Variants in RALYL observed in about 807,000 individuals in gnomAD.
RALYL encodes RALY RNA binding protein like.
In RALYL, 29 loss-of-function variants were observed where a neutral mutation model predicts 35.1. The ratio of observed to expected loss-of-function variants is 0.83; its 90% CI spans 0.61 to 1.13. The LOEUF is 1.13. Ranked by LOEUF, RALYL falls within the 50% of genes most tolerant of loss-of-function variation. The probability of loss-of-function intolerance (pLI) is 0.00; values close to 1 mark genes in which losing one functional copy is unlikely to be tolerated. For missense variants in RALYL, 359 were observed against 360.4 expected (o/e 1.00, Z 0.03); for synonymous variants, 120 against 127.6 (o/e 0.94, Z 0.40).
At chr8:84,782,856 A>G (rs1193493630) in intron 3 of RALYL, among the ~76,000 whole-genome samples, 1 of 152,178 alleles carries the variant, frequency 6.6e-6, no homozygotes, top group Non-Finnish European at 1.5e-5. Flanking sequence ...AAGTATCTTC[A>G]TTGTCAGTGT....
At chr8:84,474,242 A>G (rs913076472) in intron 1 of RALYL, among the ~76,000 whole-genome samples, 1 of 152,182 alleles carries the variant, frequency 6.6e-6, no homozygotes, top group Non-Finnish European at 1.5e-5. Flanking sequence ...AAGGTTAAAT[A>G]TGATATGAGT....
At position 84,714,161 on chromosome 8, in the gene RALYL, A is replaced by G. The variant is rs7008111; in HGVS notation, c.257-60418A>G. On this transcript the variant is annotated intron_variant, in intron 2 of 8. Transcript: ENST00000521268. ...GAATAAGCCAGGTACAGAAAGATAA[A>G]TACTGTGTCATCTCACTAATATTTG... Among the ~76,000 whole-genome samples the G allele has an allele frequency of 4.4e-3, 667 of 151,992 alleles. 3 individuals are homozygous for G. Among genetic ancestry groups the G allele is most frequent in the African/African-American group, 0.015 (636 of 41,534 alleles).
At chr8:84,404,471 C>A (rs542868204) in intron 1 of RALYL, among the ~76,000 whole-genome samples, 13 of 152,044 alleles carry the variant, frequency 8.6e-5, no homozygotes, top group Admixed American at 3.3e-4. Context: ...TGATGGATTA[C>A]ATTTATTGAT....
intron 1 of RALYL, among the ~76,000 whole-genome samples, chr8:84,499,600 A>G (rs1413300778): frequency 6.6e-6 from 1 of 152,064 alleles, no homozygotes; most frequent in Non-Finnish European, 1.5e-5. Flanking sequence ...AGGTAAGGCA[A>G]AGCCACCCCA....
At chr8:84,185,683 C>G (rs1229265515) in intron 1 of RALYL, among the ~76,000 whole-genome samples, 1 of 152,100 alleles carries the variant, frequency 6.6e-6, no homozygotes, top group Non-Finnish European at 1.5e-5. Context: ...CTTTAAATTA[C>G]CATGTGTATA....
chr8:84,804,908 C>T (rs529680976), intron 4 of RALYL, 106 bp downstream of exon 4: 15 of 530,844 alleles, frequency 2.8e-5, no homozygotes, highest in Admixed American at 2.1e-4. Context: ...AAAATCATAA[C>T]ATATCAGTGC....
At position 84,778,092 on chromosome 8, in the gene RALYL, G is replaced by A. The variant is rs1752227747; in HGVS notation, c.332+3438G>A. ...TTTCTAGGAAACTAGCATAGAAAAT[G>A]GCAAGAACAGGGTGAAGAGAGAGCA... On this transcript the variant is annotated intron_variant, in intron 3 of 8. Coordinates refer to ENST00000521268, the MANE Select transcript of RALYL (RefSeq NM_173848.7). 2.0e-5 allele frequency among the ~76,000 whole-genome samples: 3 copies of A among 152,258 alleles called. No homozygotes were observed. The East Asian group carries it at 5.8e-4, about 29-fold the overall frequency.
intron 1 of RALYL, among the ~76,000 whole-genome samples, chr8:84,421,971 T>G (rs1374256334): frequency 6.6e-6 from 1 of 152,156 alleles, no homozygotes; most frequent in Non-Finnish European, 1.5e-5. Context: ...TGAGGATTTT[T>G]GCATCAATTT....
intron 1 of RALYL, among the ~76,000 whole-genome samples, chr8:84,485,819 A>G (rs1564015386): frequency 6.6e-6 from 1 of 152,104 alleles, no homozygotes; most frequent in Non-Finnish European, 1.5e-5. Context: ...TGCCATTCAT[A>G]TCCAAGCAGC....
intron 1 of RALYL, among the ~76,000 whole-genome samples, chr8:84,238,987 G>A (rs1367295163): frequency 2.0e-5 from 3 of 152,138 alleles, no homozygotes; most frequent in Non-Finnish European, 2.9e-5. Flanking sequence ...GCTTTACCTA[G>A]GCTGACAAGG....
intron 2 of RALYL, among the ~76,000 whole-genome samples, chr8:84,706,861 T>C (rs1841309417): frequency 6.6e-6 from 1 of 152,172 alleles, no homozygotes; most frequent in Non-Finnish European, 1.5e-5. Flanking sequence ...CTTTATCTTT[T>C]CTATTGTCTA....
intron 1 of RALYL, among the ~76,000 whole-genome samples, chr8:84,231,030 G>T: frequency 6.6e-6 from 1 of 152,200 alleles, no homozygotes; most frequent in East Asian, 1.9e-4. Flanking sequence ...AACAGCTTCA[G>T]CCTTTCCAGA....
At chr8:84,564,209 A>T (rs1057413810) in intron 2 of RALYL, among the ~76,000 whole-genome samples, 3 of 151,712 alleles carry the variant, frequency 2.0e-5, no homozygotes, top group Admixed American at 2.0e-4. Flanking sequence ...CTCTTGACAT[A>T]AGTTTCCTCC....
At chr8:84,572,465 G>A (rs890759920) in intron 2 of RALYL, among the ~76,000 whole-genome samples, 3 of 151,604 alleles carry the variant, frequency 2.0e-5, no homozygotes, top group African/African-American at 4.8e-5. Context: ...ACTCCTTTGA[G>A]TATTTCTTGT....
chr8:84,409,612 T>C (rs2043900619), intron 1 of RALYL, among the ~76,000 whole-genome samples: 1 of 152,066 alleles, frequency 6.6e-6, no homozygotes, highest in Non-Finnish European at 1.5e-5. Flanking sequence ...TTAATGTTTC[T>C]CACTTAAGTT....
intron 4 of RALYL, among the ~76,000 whole-genome samples, chr8:84,845,431 G>T (rs149924659): frequency 2.1e-3 from 315 of 152,210 alleles, no homozygotes; most frequent in Non-Finnish European, 3.2e-3. Flanking sequence ...GATTAGTGAC[G>T]ATGACCATTT....
At chr8:84,762,874 G>T (rs1313588047) in intron 2 of RALYL, among the ~76,000 whole-genome samples, 1 of 152,048 alleles carries the variant, frequency 6.6e-6, no homozygotes, top group African/African-American at 2.4e-5. Flanking sequence ...GCTTTAGAAT[G>T]GAATAATTAG....
chr8:84,444,395 ACAT>A (rs1283581241), intron 1 of RALYL, among the ~76,000 whole-genome samples: 3 of 152,104 alleles, frequency 2.0e-5, no homozygotes, highest in African/African-American at 7.2e-5. Context: ...CAAAACAAGA[ACAT>A]CAAGACAAAA....
At chr8:84,820,546 T>TTAATTTTACTCTAAGTTCTGGGACACGTG in intron 4 of RALYL, among the ~76,000 whole-genome samples, 1 of 152,302 alleles carries the variant, frequency 6.6e-6, no homozygotes, top group Non-Finnish European at 1.5e-5. Flanking sequence ...TCTTGTTTTT[T>TTAATTTTACTCTAAGTTCTGGGACACGTG]TAATTTTACT....
Sources: allele counts gnomAD v4.1 joint callset (sites outside exome capture counted in the v4.1 genomes callset), GRCh38; gene constraint gnomAD v4.1.1; transcripts MANE v1.5; gene names NCBI Gene and HGNC (gene_info 2026-07-23, HGNC 2026-07-21).